The following PLA2G7 variants were observed in gnomAD, a reference collection of about 807,000 sequenced individuals.
The protein encoded by PLA2G7 is platelet-activating factor acetylhydrolase.
Under a neutral mutation model 49.6 loss-of-function variants are expected in PLA2G7, and 63 were observed. That is an observed-to-expected ratio of 1.27 (90% CI 1.04 to 1.57). The LOEUF (loss-of-function observed/expected upper bound fraction) is 1.57, where lower values mean the gene tolerates loss of function less well. Ranked by LOEUF, PLA2G7 falls within the 40% of genes most tolerant of loss-of-function variation. PLA2G7 has a pLI of 0.00. For synonymous variants in PLA2G7, 193 were observed against 169.9 expected (o/e 1.14, Z -1.06); for missense variants, 596 against 521.2 (o/e 1.14, Z -1.40).
chr6:46,722,609 T>G (rs1283886310), intron 2 of PLA2G7, among the ~76,000 whole-genome samples, 174 bp downstream of exon 2: 1 of 152,184 alleles, frequency 6.6e-6, no homozygotes, highest in Non-Finnish European at 1.5e-5. Context: ...TTCTTCAATT[T>G]CAGTTGAAAT....
At chr6:46,729,258 G>A (rs1215037998) in intron 1 of PLA2G7, among the ~76,000 whole-genome samples, 1 of 152,096 alleles carries the variant, frequency 6.6e-6, no homozygotes, top group Admixed American at 6.5e-5. Context: ...CCAATATGGA[G>A]GAAAATACTA....
In PLA2G7 at chr6:46,722,829, A is replaced by C; in HGVS notation, c.63T>G (p.Pro21=). The change falls in exon 2 of 12, where the codon CCT becomes CCG. Residue 21 remains proline (P), a synonymous_variant. Coordinates refer to ENST00000274793, the MANE Select transcript of PLA2G7 (RefSeq NM_005084.4). Reference sequence around the variant, plus strand: ...CAGGATTTATGTATTGCCAGTCAAAAGGATAAACCACAGCCAGGCAGCCGC... The same window carrying C: ...CAGGATTTATGTATTGCCAGTCAAACGGATAAACCACAGCCAGGCAGCCGC... ...CLCGCLAVVY[P]FDWQYINPVA... is the part of the protein sequence containing the mutation. 6.2e-7 allele frequency: 1 copy of C among 1,613,874 alleles called. No homozygotes were observed. Among genetic ancestry groups the C allele is most frequent in the Non-Finnish European group, 8.5e-7 (1 of 1,179,752 alleles).
chr6:46,725,787 A>T (rs1474343596), intron 1 of PLA2G7, among the ~76,000 whole-genome samples: 1 of 152,186 alleles, frequency 6.6e-6, no homozygotes, highest in African/African-American at 2.4e-5. Context: ...TTTTTTCCAG[A>T]GGCATTTCTA....
chr6:46,726,112 A>G (rs1319390895), intron 1 of PLA2G7, among the ~76,000 whole-genome samples: 1 of 152,240 alleles, frequency 6.6e-6, no homozygotes, highest in Non-Finnish European at 1.5e-5. Context: ...TCTGTGCAGC[A>G]TTCCTTTTTC....
At chr6:46,728,159 T>C (rs185609508) in intron 1 of PLA2G7, among the ~76,000 whole-genome samples, 4 of 152,232 alleles carry the variant, frequency 2.6e-5, no homozygotes, top group East Asian at 1.9e-4. Flanking sequence ...CTGAAGAAGA[T>C]AAAATCTTCT....
At chr6:46,707,880 A>C in intron 10 of PLA2G7, 111 bp downstream of exon 10, 3 of 675,770 alleles carry the variant, frequency 4.4e-6, no homozygotes, top group Non-Finnish European at 7.8e-6. Flanking sequence ...CCTTATTGAA[A>C]GTCTAAACAA....
chr6:46,727,515 C>G (rs968994951), intron 1 of PLA2G7, among the ~76,000 whole-genome samples: 6 of 152,152 alleles, frequency 3.9e-5, no homozygotes, highest in African/African-American at 1.4e-4. Context: ...GGGCATGTGG[C>G]AGGTTGAATA....
chr6:46,733,228 G>A (rs1240162713), intron 1 of PLA2G7, among the ~76,000 whole-genome samples: 1 of 152,190 alleles, frequency 6.6e-6, no homozygotes. Flanking sequence ...GAGGGAATGT[G>A]TTTAGGCCCA....
intron 1 of PLA2G7, among the ~76,000 whole-genome samples, chr6:46,732,644 TACAATAG>T (rs1765769224): frequency 6.6e-6 from 1 of 152,186 alleles, no homozygotes; most frequent in Non-Finnish European, 1.5e-5. Flanking sequence ...CATCTACTCT[TACAATAG>T]ACTTTTTATT....
chr6:46,712,481 G>A, intron 5 of PLA2G7, 144 bp from the exon 6 acceptor site: 3 of 665,378 alleles, frequency 4.5e-6, no homozygotes, highest in Non-Finnish European at 8.4e-6. Context: ...TCTTAAAGGA[G>A]GGTGATTTTG....
chr6:46,719,663 G>T (rs888689615), intron 2 of PLA2G7, among the ~76,000 whole-genome samples: 2 of 152,170 alleles, frequency 1.3e-5, no homozygotes, highest in African/African-American at 4.8e-5. Context: ...CTCTGGCCTA[G>T]TTGCTCCCCT....
chr6:46,723,060 G>T, intron 1 of PLA2G7, 135 bp from the exon 2 acceptor site: 1 of 625,998 alleles, frequency 1.6e-6, no homozygotes, highest in Non-Finnish European at 2.9e-6. Flanking sequence ...CTGGGTTTTA[G>T]ATTGGTACTA....
rs200283994 is a variant in PLA2G7 at position 46,711,600 on chromosome 6, T to C, written c.559A>G (p.Thr187Ala). ...VEHRDRSASATYYFKDQSAAE... is the reference protein window; with the variant it reads ...VEHRDRSASAAYYFKDQSAAE... ...GCAGATTGGTCCTTGAAATAGTAAG[T>C]TGCAGATGCAGATCTATCTCTATAA... Residue 187 changes from threonine (T) to alanine (A), a missense_variant, in exon 7 of 12, where the codon ACT becomes GCT. Thr to Ala is a moderately conservative substitution (Grantham distance 58). Coordinates refer to ENST00000274793, the MANE Select transcript of PLA2G7 (RefSeq NM_005084.4). 2.5e-6 allele frequency: 4 copies of C among 1,613,604 alleles called. No homozygotes were observed. The highest frequency in any genetic ancestry group is 1.3e-5 in the African/African-American group (1 of 74,928).
At chr6:46,734,979 C>A (rs1344345449) in intron 1 of PLA2G7, among the ~76,000 whole-genome samples, 1 of 152,178 alleles carries the variant, frequency 6.6e-6, no homozygotes, top group Non-Finnish European at 1.5e-5. Context: ...GTGTCTAATA[C>A]CGTCATCCTC....
intron 7 of PLA2G7, 84 bp downstream of exon 7, chr6:46,711,412 C>T: frequency 2.1e-6 from 3 of 1,454,184 alleles, no homozygotes; most frequent in Non-Finnish European, 1.9e-6. Context: ...CATAACTTGC[C>T]AGGTGTAAAA....
At chr6:46,721,479 A>C (rs888390862) in intron 2 of PLA2G7, among the ~76,000 whole-genome samples, 1 of 152,042 alleles carries the variant, frequency 6.6e-6, no homozygotes, top group African/African-American at 2.4e-5. Context: ...TTTAAAGACA[A>C]AGGGATTTTA....
chr6:46,728,956 C>T (rs1038767529), intron 1 of PLA2G7, among the ~76,000 whole-genome samples: 2 of 152,178 alleles, frequency 1.3e-5, no homozygotes, highest in African/African-American at 4.8e-5. Flanking sequence ...TAAGTTCTTA[C>T]CTACTTTCTG....
chr6:46,732,269 A>T (rs1354547474), intron 1 of PLA2G7, among the ~76,000 whole-genome samples: 1 of 151,896 alleles, frequency 6.6e-6, no homozygotes, highest in Non-Finnish European at 1.5e-5. Context: ...ACGTCTGCCC[A>T]TCTTCCTGAG....
At chr6:46,732,340 G>C (rs981119692) in intron 1 of PLA2G7, among the ~76,000 whole-genome samples, 1 of 149,040 alleles carries the variant, frequency 6.7e-6, no homozygotes, top group African/African-American at 2.5e-5. Flanking sequence ...CAAGAAGCTA[G>C]GCCCCTCCCA....
Sources: allele counts gnomAD v4.1 joint callset (sites outside exome capture counted in the v4.1 genomes callset), GRCh38; gene constraint gnomAD v4.1.1; transcripts MANE v1.5; gene names NCBI Gene and HGNC (gene_info 2026-07-23, HGNC 2026-07-21).